Variants in LRMDA observed in about 807,000 individuals in gnomAD.
LRMDA encodes the protein leucine rich melanocyte differentiation associated.
A neutral mutation model predicts 29.8 loss-of-function variants in LRMDA; 18 were observed. That is an observed-to-expected ratio of 0.60 (90% CI 0.42 to 0.90). LRMDA has a LOEUF of 0.90. Among genes scored for constraint, LRMDA ranks in the 40% least tolerant of loss-of-function variants. The pLI is 0.00. For missense variants in LRMDA, 273 were observed against 273.9 expected (o/e 1.00, Z 0.02); for synonymous variants, 125 against 109.4 (o/e 1.14, Z -0.89).
chr10:75,741,901 C>G (rs1842834382), intron 2 of LRMDA, among the ~76,000 whole-genome samples: 1 of 152,102 alleles, frequency 6.6e-6, no homozygotes, highest in South Asian at 2.1e-4. Flanking sequence ...AAGGGTGGAG[C>G]TCTCATGAAC....
chr10:76,322,309 C>A (rs1261661348), intron 5 of LRMDA, among the ~76,000 whole-genome samples: 2 of 152,042 alleles, frequency 1.3e-5, no homozygotes, highest in Non-Finnish European at 2.9e-5. Flanking sequence ...TGAAAAAAGC[C>A]AAGTCAAAGA....
chr10:75,525,972 A>G (rs2132039920), intron 2 of LRMDA, among the ~76,000 whole-genome samples: 1 of 152,080 alleles, frequency 6.6e-6, no homozygotes, highest in Non-Finnish European at 1.5e-5. Flanking sequence ...CCTTGAAGAT[A>G]GGATTCTGCC....
intron 2 of LRMDA, among the ~76,000 whole-genome samples, chr10:75,566,795 G>A (rs1046003651): frequency 6.6e-5 from 10 of 152,120 alleles, no homozygotes; most frequent in African/African-American, 2.2e-4. Flanking sequence ...TTCAGTTGAC[G>A]TCTGGACAGC....
At chr10:76,456,699 G>A (rs1023574381) in intron 6 of LRMDA, among the ~76,000 whole-genome samples, 7 of 149,902 alleles carry the variant, frequency 4.7e-5, no homozygotes, top group South Asian at 2.1e-4. Context: ...AGCCTGAGAT[G>A]CAGATTTGAG....
intron 5 of LRMDA, among the ~76,000 whole-genome samples, chr10:76,298,170 T>C (rs146697273): frequency 1.8e-3 from 269 of 152,330 alleles, no homozygotes; most frequent in Non-Finnish European, 3.2e-3. Context: ...GCAGGCTCAG[T>C]CAAGTAGAAC....
intron 2 of LRMDA, among the ~76,000 whole-genome samples, chr10:75,606,072 G>T (rs1488597965): frequency 6.6e-6 from 1 of 152,064 alleles, no homozygotes; most frequent in Non-Finnish European, 1.5e-5. Context: ...TGCCCAGGCT[G>T]GTCTTGAACT....
chr10:76,548,675 G>A (rs960629665), intron 6 of LRMDA, among the ~76,000 whole-genome samples: 1 of 152,152 alleles, frequency 6.6e-6, no homozygotes. Flanking sequence ...AAGGGGGCTA[G>A]TGAGCCCACC....
intron 5 of LRMDA, among the ~76,000 whole-genome samples, chr10:76,261,477 C>G (rs935038065): frequency 8.6e-5 from 13 of 150,842 alleles, no homozygotes; most frequent in African/African-American, 3.2e-4. Context: ...GTGGAAGGCA[C>G]TGGTTCTAAA....
intron 5 of LRMDA, among the ~76,000 whole-genome samples, chr10:76,239,867 G>T (rs746588748): frequency 6.6e-6 from 1 of 151,122 alleles, no homozygotes; most frequent in Non-Finnish European, 1.5e-5. Flanking sequence ...TGAGGTGATG[G>T]GTGTGTTAAT....
chr10:76,487,678 G>A (rs1330846205), intron 6 of LRMDA, among the ~76,000 whole-genome samples: 2 of 151,688 alleles, frequency 1.3e-5, no homozygotes, highest in Non-Finnish European at 2.9e-5. Context: ...GTGGGATTGA[G>A]AAATAAGGAA....
At chr10:76,535,530 TAG>T (rs1327730534) in intron 6 of LRMDA, among the ~76,000 whole-genome samples, 2 of 152,194 alleles carry the variant, frequency 1.3e-5, no homozygotes, top group Non-Finnish European at 1.5e-5. Flanking sequence ...TAAAAATTGA[TAG>T]AGACTTGAAA....
chr10:76,319,700 T>C (rs1840744831), intron 5 of LRMDA, among the ~76,000 whole-genome samples: 1 of 152,184 alleles, frequency 6.6e-6, no homozygotes, highest in Non-Finnish European at 1.5e-5. Flanking sequence ...CTTTATACCA[T>C]GGTTTCAGGG....
intron 6 of LRMDA, among the ~76,000 whole-genome samples, chr10:76,387,616 G>T (rs1033513827): frequency 6.6e-6 from 1 of 150,872 alleles, no homozygotes; most frequent in Non-Finnish European, 1.5e-5. Flanking sequence ...AAAAAAAAAA[G>T]TGGTATATTC....
chr10:76,189,848 A>T (rs1454512900), intron 5 of LRMDA, among the ~76,000 whole-genome samples: 2 of 152,134 alleles, frequency 1.3e-5, no homozygotes, highest in Non-Finnish European at 2.9e-5. Flanking sequence ...CTGTCCTTAT[A>T]GTGGCTTTCA....
intron 2 of LRMDA, among the ~76,000 whole-genome samples, chr10:75,842,460 G>A (rs537421006): frequency 7.9e-5 from 12 of 152,204 alleles, no homozygotes; most frequent in South Asian, 4.1e-4. Flanking sequence ...CTGACCTCTG[G>A]TCTATGTTAT....
chr10:75,593,456 A>G (rs1406009957), intron 2 of LRMDA, among the ~76,000 whole-genome samples: 1 of 152,206 alleles, frequency 6.6e-6, no homozygotes, highest in Admixed American at 6.5e-5. Context: ...GCTGCTGCTG[A>G]TGGAAATGTT....
At chr10:75,842,752 G>A (rs1186762788) in intron 2 of LRMDA, among the ~76,000 whole-genome samples, 1 of 152,088 alleles carries the variant, frequency 6.6e-6, no homozygotes, top group East Asian at 1.9e-4. Flanking sequence ...AAAGGGTGGG[G>A]CATGGTGTCT....
intron 6 of LRMDA, among the ~76,000 whole-genome samples, chr10:76,327,255 C>G (rs182488631): frequency 2.0e-5 from 3 of 152,036 alleles, no homozygotes; most frequent in Non-Finnish European, 4.4e-5. Flanking sequence ...CCATGCCTGG[C>G]TAATTTTTTG....
chr10:75,771,955 A>G (rs1341866416), intron 2 of LRMDA, among the ~76,000 whole-genome samples: 3 of 152,184 alleles, frequency 2.0e-5, no homozygotes, highest in Non-Finnish European at 2.9e-5. Flanking sequence ...ACTGGAAAAG[A>G]TCAGCTAAAG....
Sources: allele counts gnomAD v4.1 joint callset (sites outside exome capture counted in the v4.1 genomes callset), GRCh38; gene constraint gnomAD v4.1.1; transcripts MANE v1.5; gene names NCBI Gene and HGNC (gene_info 2026-07-23, HGNC 2026-07-21).